Variants in DPF3 observed in about 807,000 individuals in gnomAD.
DPF3 encodes double PHD fingers 3, also known as zinc finger protein DPF3.
Under a neutral mutation model 56.8 loss-of-function variants are expected in DPF3, and 18 were observed. The ratio of observed to expected loss-of-function variants is 0.32; its 90% CI spans 0.22 to 0.47. The LOEUF (loss-of-function observed/expected upper bound fraction) is 0.47. DPF3 is among the 20% of genes least tolerant of loss of function. The probability of loss-of-function intolerance (pLI) is 1.00; values close to 1 mark genes in which losing one functional copy is unlikely to be tolerated. For missense variants in DPF3, 403 were observed against 488.8 expected, an observed-to-expected ratio of 0.82 and a Z score of 1.65; for synonymous variants, 188 against 180.2, an observed-to-expected ratio of 1.04 and a Z score of -0.35.
intron 1 of DPF3, among the ~76,000 whole-genome samples, chr14:72,862,027 C>G (rs1885459363): frequency 6.6e-6 from 1 of 152,182 alleles, no homozygotes; most frequent in African/African-American, 2.4e-5. Context: ...CTGAAATATC[C>G]TCATCACCTA....
chr14:72,670,261 A>G, intron 8 of DPF3: 4 of 985,968 alleles, frequency 4.1e-6, no homozygotes, highest in Non-Finnish European at 4.8e-6. Flanking sequence ...TGCTGAGCCC[A>G]TGACGTTCTG....
chr14:72,747,483 G>C (rs528344094), intron 3 of DPF3, among the ~76,000 whole-genome samples: 7 of 152,194 alleles, frequency 4.6e-5, no homozygotes, highest in South Asian at 2.1e-4. Context: ...GGAGAAGAGA[G>C]TGTTAAAGGT....
chr14:72,752,215 T>G (rs1161605808), intron 3 of DPF3, among the ~76,000 whole-genome samples: 1 of 152,176 alleles, frequency 6.6e-6, no homozygotes, highest in African/African-American at 2.4e-5. Context: ...CTTGCACCAC[T>G]GAACAGCACT....
chr14:72,715,669 C>T (rs948066916), intron 5 of DPF3, among the ~76,000 whole-genome samples: 5 of 151,900 alleles, frequency 3.3e-5, no homozygotes, highest in Admixed American at 2.0e-4. Flanking sequence ...ACACACTCAC[C>T]GGGGACTTCA....
chr14:72,692,275 C>T (rs1017359971), intron 7 of DPF3, among the ~76,000 whole-genome samples: 2 of 152,202 alleles, frequency 1.3e-5, no homozygotes, highest in Admixed American at 1.3e-4. Flanking sequence ...TGAGAGATCT[C>T]AGTGTGGCCC....
intron 3 of DPF3, among the ~76,000 whole-genome samples, chr14:72,747,663 G>C (rs1475512895): frequency 1.3e-5 from 2 of 151,906 alleles, no homozygotes; most frequent in Non-Finnish European, 2.9e-5. Context: ...ATATGGTTTG[G>C]CTCTGTGTCC....
At chr14:72,747,336 G>A (rs7156214) in intron 3 of DPF3, among the ~76,000 whole-genome samples, 5,197 of 152,242 alleles carry the variant, frequency 0.034, 173 homozygotes, top group Admixed American at 0.089. Context: ...TTGGTTGTGG[G>A]GGGGTAATAA....
intron 3 of DPF3, chr14:72,742,663 G>A (rs938401465): frequency 6.6e-6 from 1 of 152,442 alleles, no homozygotes; most frequent in African/African-American, 2.4e-5. Flanking sequence ...CTGTCTTGAG[G>A]AGAAGAGAAA....
chr14:72,797,802 A>T (rs957522760), intron 1 of DPF3, among the ~76,000 whole-genome samples: 3 of 152,240 alleles, frequency 2.0e-5, no homozygotes, highest in African/African-American at 7.2e-5. Context: ...TTCTAGACTC[A>T]ACTCTCCCAA....
intron 8 of DPF3, among the ~76,000 whole-genome samples, chr14:72,655,655 C>T (rs937323723): frequency 2.0e-5 from 3 of 152,200 alleles, no homozygotes; most frequent in Non-Finnish European, 4.4e-5. Context: ...CTTTTCAGCT[C>T]GTGGCTCATG....
chr14:72,719,989 G>A (rs1889098776), intron 5 of DPF3, among the ~76,000 whole-genome samples: 1 of 151,796 alleles, frequency 6.6e-6, no homozygotes, highest in African/African-American at 2.4e-5. Context: ...AAGCACCTGG[G>A]GGCTTGTCAA....
At chr14:72,879,647 C>T (rs1338613956) in intron 1 of DPF3, among the ~76,000 whole-genome samples, 1 of 152,062 alleles carries the variant, frequency 6.6e-6, no homozygotes, top group African/African-American at 2.4e-5. Context: ...GACAATCAAA[C>T]CGCCTGCCCA....
At chr14:72,861,721 GAGAGAAAGAAAGAA>G (rs1384187829) in intron 1 of DPF3, among the ~76,000 whole-genome samples, 5 of 35,792 alleles carry the variant, frequency 1.4e-4, no homozygotes, top group Non-Finnish European at 2.0e-4. Flanking sequence ...AGAAGAAAGA[GAGAGAAAGAAAGAA>G]AGAGAAAGAA....
chr14:72,715,786 C>T (rs1032025000), intron 5 of DPF3, among the ~76,000 whole-genome samples: 1 of 151,916 alleles, frequency 6.6e-6, no homozygotes, highest in Admixed American at 6.6e-5. Context: ...ACCTCCTCAG[C>T]TTGTCTCTCT....
chr14:72,781,883 C>T (rs1032902202), intron 1 of DPF3, among the ~76,000 whole-genome samples: 1 of 152,196 alleles, frequency 6.6e-6, no homozygotes, highest in African/African-American at 2.4e-5. Context: ...GAGAAGCCTG[C>T]TTTATCTAGG....
chr14:72,708,554 C>T (rs934456310), intron 6 of DPF3, among the ~76,000 whole-genome samples: 11 of 152,190 alleles, frequency 7.2e-5, no homozygotes, highest in African/African-American at 2.7e-4. Flanking sequence ...GCGAAAAGCA[C>T]GTGAGCCTTA....
chr14:72,690,513 A>T (rs1167882631), intron 7 of DPF3, among the ~76,000 whole-genome samples: 1 of 140,064 alleles, frequency 7.1e-6, no homozygotes, highest in African/African-American at 2.4e-5. Flanking sequence ...ATACACATGC[A>T]CACAAACAAG....
rs1884177993 is a variant in DPF3, at chr14:72,617,778, C to T, written c.*1519G>A. Among the ~76,000 whole-genome samples the T allele has an allele frequency of 6.6e-6, 1 of 152,150 alleles. No homozygotes were observed. Among genetic ancestry groups the T allele is most frequent in the South Asian group, 2.1e-4 (1 of 4,820 alleles). Reference sequence around the variant, plus strand: ...AGGTGGCCCAACTAGCCCGAGTCTCCGGGAGCGTCCTCAGGAGCTGAAGAA... The same window carrying T: ...AGGTGGCCCAACTAGCCCGAGTCTCTGGGAGCGTCCTCAGGAGCTGAAGAA... On this transcript the variant is annotated 3_prime_UTR_variant, in exon 11 of 11. Transcript: ENST00000556509.
In DPF3 at chr14:72,774,339, C is replaced by T. The variant is rs145572474; in HGVS notation, c.33-2446G>A. 2.4e-3 allele frequency among the ~76,000 whole-genome samples: 362 copies of T among 147,944 alleles called. 1 individual carries two copies. The highest frequency in any genetic ancestry group is 8.5e-3 in the African/African-American group (342 of 40,276). ...ATACTCAGGAGTAGAATTGCTGAGTCATATGGTAGCTCTAGTTTTCATTTT... is the reference window on the plus strand; with the variant it reads ...ATACTCAGGAGTAGAATTGCTGAGTTATATGGTAGCTCTAGTTTTCATTTT... On this transcript the variant is annotated intron_variant, in intron 1 of 10. Coordinates refer to ENST00000556509, the MANE Select transcript of DPF3 (RefSeq NM_001280542.3).
Sources: allele counts gnomAD v4.1 joint callset (sites outside exome capture counted in the v4.1 genomes callset), GRCh38; gene constraint gnomAD v4.1.1; transcripts MANE v1.5; gene names NCBI Gene and HGNC (gene_info 2026-07-23, HGNC 2026-07-21).